The following GPT2 variants were observed in gnomAD, a reference collection of about 807,000 sequenced individuals.
GPT2 encodes the protein alanine aminotransferase 2.
GPT2 carries 30 observed loss-of-function variants against 56.9 expected under a neutral mutation model. The ratio of observed to expected loss-of-function variants is 0.53; its 90% CI spans 0.39 to 0.72. GPT2 has a LOEUF of 0.72. GPT2 is among the 30% of genes least tolerant of loss of function. GPT2 has a pLI of 0.00. For synonymous variants in GPT2, 271 were observed against 283.1 expected, an observed-to-expected ratio of 0.96 and a Z score of 0.43; for missense variants, 542 against 703.4, an observed-to-expected ratio of 0.77 and a Z score of 2.60.
intron 2 of GPT2, among the ~76,000 whole-genome samples, chr16:46,888,258 A>T (rs1394477945): frequency 6.6e-6 from 1 of 152,266 alleles, no homozygotes. Context: ...GCACATGGCT[A>T]TAGTTAGCTA....
chr16:46,931,078 G>A lies in GPT2; in HGVS notation c.*2081G>A, dbSNP rs1961535228. On this transcript the variant is annotated 3_prime_UTR_variant, in exon 12 of 12. Coordinates refer to ENST00000340124, the MANE Select transcript of GPT2 (RefSeq NM_133443.4). ...TGTGTAGCATGTGCTGAGGAAGCAC[G>A]TGCTGGGCTGTGCCTCAGACAGTGC... is the stretch of plus-strand genomic sequence containing the variant. 1 of 152,206 alleles carries A rather than the reference G, an allele frequency of 6.6e-6. No individual in the cohort carries two copies. The highest frequency in any genetic ancestry group is 1.5e-5 in the Non-Finnish European group (1 of 68,046). 9.4% of individuals were successfully genotyped at this position (152,206 alleles called of 1,614,324 possible). A position where few individuals can be genotyped will look rare whatever the true frequency, so the allele number is the denominator to read the frequency against.
chr16:46,906,105 G>A (rs1960919492), intron 4 of GPT2, among the ~76,000 whole-genome samples: 1 of 151,910 alleles, frequency 6.6e-6, no homozygotes, highest in South Asian at 2.1e-4. Context: ...TTTTGAGACA[G>A]GGTTTCACTC....
chr16:46,918,976 C>G (rs1434384734), intron 8 of GPT2, among the ~76,000 whole-genome samples: 1 of 152,234 alleles, frequency 6.6e-6, no homozygotes, highest in Admixed American at 6.5e-5. Context: ...TGACAACGGA[C>G]AAATGGAGTG....
chr16:46,884,596 C>A, intron 1 of GPT2, 98 bp from the exon 2 acceptor site: 1 of 1,236,596 alleles, frequency 8.1e-7, no homozygotes. Flanking sequence ...CAGGCTGGCA[C>A]CGCTCGCTGA....
At chr16:46,885,041 CG>C in intron 2 of GPT2, 83 bp downstream of exon 2, 1 of 1,381,414 alleles carries the variant, frequency 7.2e-7, no homozygotes, top group Non-Finnish European at 9.4e-7. Context: ...GTCCTTCCCA[CG>C]ACGTCCACCC....
intron 3 of GPT2, among the ~76,000 whole-genome samples, chr16:46,900,051 C>T (rs1051960693): frequency 3.9e-5 from 6 of 152,224 alleles, no homozygotes; most frequent in African/African-American, 1.4e-4. Flanking sequence ...AGCCACAAGT[C>T]CTGACCCCCT....
Position 46,901,025 on chromosome 16 carries a change from G to A in GPT2, c.442+235G>A, listed in dbSNP as rs991584264. Among the ~76,000 whole-genome samples, 3 of 152,120 alleles carry A rather than the reference G, an allele frequency of 2.0e-5. No homozygotes were observed. Among genetic ancestry groups the A allele is most frequent in the Non-Finnish European group, 2.9e-5 (2 of 68,006 alleles). ...TAGGTGCAAGTGCCTGCATCATGCC[G>A]GGTGTGGGTGCTCCTCCTGGGAGCC... On this transcript the variant is annotated intron_variant, in intron 4 of 11. Transcript: ENST00000340124.
chr16:46,916,476 A>G (rs1035722389), intron 6 of GPT2, 152 bp from the exon 7 acceptor site: 13 of 685,996 alleles, frequency 1.9e-5, no homozygotes, highest in African/African-American at 1.4e-4. Context: ...ACCATCATGC[A>G]TGGCAGCTGG....
At chr16:46,919,450 G>A (rs1198197619) in intron 8 of GPT2, among the ~76,000 whole-genome samples, 1 of 152,198 alleles carries the variant, frequency 6.6e-6, no homozygotes, top group Non-Finnish European at 1.5e-5. Context: ...AGTGTGGTGG[G>A]GAACTGTGCA....
rs972212172 is a variant in GPT2, at chr16:46,929,427, C to T, written c.*430C>T. ...ATGATCTGTGAAATAAAGCCCTTAGCGGTGTGAAGCATCCGGTCCTTTGAA... is the reference window on the plus strand; with the variant it reads ...ATGATCTGTGAAATAAAGCCCTTAGTGGTGTGAAGCATCCGGTCCTTTGAA... On this transcript the variant is annotated 3_prime_UTR_variant, in exon 12 of 12. Coordinates refer to ENST00000340124, the MANE Select transcript of GPT2 (RefSeq NM_133443.4). The T allele has an allele frequency of 3.1e-5, 6 of 191,124 alleles. No homozygotes were observed. In the South Asian group the frequency reaches 4.3e-4, roughly 14 times the overall value. The allele number at this position is 191,124 out of a possible 1,614,324, so 11.8% of individuals were successfully genotyped here.
intron 4 of GPT2, among the ~76,000 whole-genome samples, chr16:46,905,688 C>T (rs16949863): frequency 4.5e-4 from 69 of 152,162 alleles, no homozygotes; most frequent in Middle Eastern, 6.8e-3. Flanking sequence ...ACCTAAATAG[C>T]GGCCTGACAT....
intron 9 of GPT2, among the ~76,000 whole-genome samples, chr16:46,922,779 C>T (rs947399347): frequency 1.3e-5 from 2 of 152,136 alleles, no homozygotes; most frequent in Non-Finnish European, 2.9e-5. Context: ...AGGCCCCCAC[C>T]CGCCTCTGCC....
chr16:46,904,576 AC>A (rs1960883627), intron 4 of GPT2, among the ~76,000 whole-genome samples: 1 of 152,148 alleles, frequency 6.6e-6, no homozygotes, highest in Admixed American at 6.5e-5. Context: ...AGAAAAAGAA[AC>A]CCAGGAGCCT....
Position 46,901,410 on chromosome 16 carries a change from C to T in GPT2, c.442+620C>T, listed in dbSNP as rs146095937. ...TCCACAGAGTGGACCTGGAACTTGG[C>T]CCCTGTAGATGTGAAGATGATTCTC... is the stretch of plus-strand genomic sequence containing the variant. On this transcript the variant is annotated intron_variant, in intron 4 of 11. Coordinates refer to ENST00000340124, the MANE Select transcript of GPT2 (RefSeq NM_133443.4). Among the ~76,000 whole-genome samples, 116 of 152,284 alleles carry T rather than the reference C, an allele frequency of 7.6e-4. No individual in the cohort carries two copies. In the East Asian group the frequency reaches 0.01, roughly 14 times the overall value.
rs778445616 is a variant in GPT2, at chr16:46,897,690, G to T, written c.286G>T (p.Gly96Trp). Reference sequence around the variant, plus strand: ...CACAGAGGTCATCCGAGCCAACATCGGGGACGCCCAGGCTATGGGGCAGCA... The same window carrying T: ...CACAGAGGTCATCCGAGCCAACATCTGGGACGCCCAGGCTATGGGGCAGCA... Reference protein sequence around the residue: ...PFTEVIRANIGDAQAMGQQPI... With the variant: ...PFTEVIRANIWDAQAMGQQPI... The change falls in exon 3 of 12, where the codon GGG becomes TGG. Residue 96 changes from glycine to tryptophan, a missense_variant. Coordinates refer to ENST00000340124, the MANE Select transcript of GPT2 (RefSeq NM_133443.4). The T allele has an allele frequency of 3.7e-6, 6 of 1,614,100 alleles. No individual in the cohort carries two copies. Among genetic ancestry groups the T allele is most frequent in the Non-Finnish European group, 5.1e-6 (6 of 1,179,962 alleles).
At chr16:46,915,262 A>G (rs538340672) in intron 6 of GPT2, 4 of 152,246 alleles carry the variant, frequency 2.6e-5, no homozygotes, top group Non-Finnish European at 5.9e-5. Flanking sequence ...TCTGCAGCAC[A>G]GACATACCAC....
intron 3 of GPT2, among the ~76,000 whole-genome samples, chr16:46,899,012 TATATATATATATATATATATA>T (rs1960757960): frequency 4.8e-4 from 1 of 2,080 alleles, no homozygotes; most frequent in African/African-American, 7.6e-4. Flanking sequence ...TATATATATA[TATATATATATATATATATATA>T]TATTTTTTTT....
chr16:46,909,932 G>A lies in GPT2; in HGVS notation c.820+5G>A, dbSNP rs976482728. The A allele has an allele frequency of 6.3e-7, 1 of 1,592,104 alleles. No homozygotes were observed. The highest frequency in any genetic ancestry group is 1.1e-5 in the South Asian group (1 of 89,216). Reference sequence around the variant, plus strand: ...TCAACCCTGGGAACCCCACAGGTCTGCACTTTACTTCCTCACCAGTTTCGT... The same window carrying A: ...TCAACCCTGGGAACCCCACAGGTCTACACTTTACTTCCTCACCAGTTTCGT... On this transcript the variant is annotated splice_donor_5th_base_variant and intron_variant, in intron 6 of 11. Coordinates refer to ENST00000340124, the MANE Select transcript of GPT2 (RefSeq NM_133443.4).
At position 46,929,538 on chromosome 16, in the gene GPT2, A is replaced by T. The variant is rs1052929629; in HGVS notation, c.*541A>T. 1.9e-5 allele frequency: 3 copies of T among 159,186 alleles called. No homozygotes were observed. Among genetic ancestry groups the T allele is most frequent in the Non-Finnish European group, 4.2e-5 (3 of 71,994 alleles). The allele number at this position is 159,186 out of a possible 1,614,324, so 9.9% of individuals were successfully genotyped here. A position where few individuals can be genotyped will look rare whatever the true frequency, so the allele number is the denominator to read the frequency against. On this transcript the variant is annotated 3_prime_UTR_variant, in exon 12 of 12. Coordinates refer to ENST00000340124, the MANE Select transcript of GPT2 (RefSeq NM_133443.4). ...GCGCCGGGAGCGCAGTAGCACGTGG[A>T]CTGGGCAGGATGTTGCACTAGCTTG...
Sources: gnomAD v4.1 joint callset for allele counts (sites outside exome capture counted in the v4.1 genomes callset) on GRCh38, gnomAD v4.1.1 for gene constraint, MANE v1.5 for transcripts, NCBI Gene and HGNC (gene_info 2026-07-23, HGNC 2026-07-21) for gene names.